Variants in MSI2 observed in about 807,000 individuals in gnomAD.
MSI2 encodes the protein musashi RNA binding protein 2.
Under a neutral mutation model 45.6 loss-of-function variants are expected in MSI2, and 17 were observed. The ratio of observed to expected loss-of-function variants is 0.37; its 90% confidence interval spans 0.26 to 0.56. MSI2 has a LOEUF of 0.56. Ranked by LOEUF, MSI2 falls within the 20% of genes least tolerant of loss-of-function variation. The pLI, the probability that MSI2 is intolerant of heterozygous loss-of-function variation, is 0.77. For synonymous variants in MSI2, 156 were observed against 158.2 expected, an observed-to-expected ratio of 0.99 and a Z score of 0.11; for missense variants, 293 against 444.2, an observed-to-expected ratio of 0.66 and a Z score of 3.06.
At chr17:57,293,775 A>G in intron 5 of MSI2, among the ~76,000 whole-genome samples, 1 of 151,224 alleles carries the variant, frequency 6.6e-6, no homozygotes, top group Non-Finnish European at 1.5e-5. Flanking sequence ...CACCCGGCTA[A>G]TTTTGTATTT....
rs552699363 is a variant in MSI2 at position 57,682,922 on chromosome 17, G to A, written c.*3405G>A. ...GGTCCTAGCTGGGCATGGGGCTGACGGAGATGACCAAGCCTTGGTCTGCTC... is the reference window on the plus strand; with the variant it reads ...GGTCCTAGCTGGGCATGGGGCTGACAGAGATGACCAAGCCTTGGTCTGCTC... On this transcript the variant is annotated 3_prime_UTR_variant, in exon 14 of 14. Transcript: ENST00000284073. 11 of 227,032 alleles carry A rather than the reference G, an allele frequency of 4.8e-5. No individual in the cohort carries two copies. Among genetic ancestry groups the A allele is most frequent in the South Asian group, 1.8e-4 (1 of 5,468 alleles). 14.1% of individuals were successfully genotyped at this position (227,032 alleles called of 1,614,324 possible).
intron 5 of MSI2, among the ~76,000 whole-genome samples, chr17:57,390,108 C>T (rs926612240): frequency 2.0e-5 from 3 of 151,792 alleles, no homozygotes; most frequent in African/African-American, 7.3e-5. Context: ...AAGAAAAAGC[C>T]AGATGTGGTC....
At chr17:57,460,044 G>T (rs1054924599) in intron 6 of MSI2, among the ~76,000 whole-genome samples, 2 of 151,912 alleles carry the variant, frequency 1.3e-5, no homozygotes, top group Non-Finnish European at 2.9e-5. Flanking sequence ...CAGGAGAATT[G>T]CCTGAACCCG....
intron 6 of MSI2, among the ~76,000 whole-genome samples, chr17:57,501,417 G>T (rs549187507): frequency 6.6e-6 from 1 of 152,194 alleles, no homozygotes; most frequent in East Asian, 1.9e-4. Context: ...AGGGGAAGAG[G>T]CTTCATCAGT....
intron 5 of MSI2, among the ~76,000 whole-genome samples, chr17:57,352,410 A>C (rs1056969311): frequency 6.6e-6 from 1 of 152,204 alleles, no homozygotes; most frequent in African/African-American, 2.4e-5. Flanking sequence ...TTATTTTATA[A>C]AGGAAGTAGG....
chr17:57,675,352 G>A (rs989782150), intron 12 of MSI2, among the ~76,000 whole-genome samples: 2 of 152,204 alleles, frequency 1.3e-5, no homozygotes, highest in Admixed American at 6.5e-5. Context: ...GGGCAGGTCC[G>A]GTTCAGATCA....
intron 6 of MSI2, chr17:57,522,783 A>G (rs1228045158): frequency 6.6e-6 from 1 of 151,468 alleles, no homozygotes; most frequent in Non-Finnish European, 1.5e-5. Context: ...TTGGTGCGGC[A>G]CTCCCCACCA....
chr17:57,549,036 T>C (rs1192487898), intron 7 of MSI2, among the ~76,000 whole-genome samples: 2 of 152,054 alleles, frequency 1.3e-5, no homozygotes, highest in Admixed American at 6.6e-5. Flanking sequence ...AAGACAGAAT[T>C]ATTTTATTTG....
intron 5 of MSI2, among the ~76,000 whole-genome samples, chr17:57,333,035 A>C (rs28513575): frequency 2.5e-5 from 3 of 120,958 alleles, no homozygotes; most frequent in African/African-American, 4.5e-5. Context: ...CAAAAAAAAG[A>C]AAAAAAAAAG....
At chr17:57,409,848 A>C (rs1414675754) in intron 6 of MSI2, among the ~76,000 whole-genome samples, 1 of 151,902 alleles carries the variant, frequency 6.6e-6, no homozygotes, top group Non-Finnish European at 1.5e-5. Flanking sequence ...CTCTACTAAA[A>C]ATACAAAAAA....
At chr17:57,482,807 C>T (rs933120963) in intron 6 of MSI2, among the ~76,000 whole-genome samples, 5 of 152,162 alleles carry the variant, frequency 3.3e-5, no homozygotes, top group Non-Finnish European at 5.9e-5. Context: ...CCAGACCCTC[C>T]AGATGCACTG....
intron 5 of MSI2, among the ~76,000 whole-genome samples, chr17:57,362,533 C>T (rs556792924): frequency 2.6e-5 from 4 of 152,218 alleles, no homozygotes; most frequent in East Asian, 1.9e-4. Context: ...TGTAATGATC[C>T]GTCAACTGTT....
At chr17:57,491,236 CCTCTCTG>C (rs1355006053) in intron 6 of MSI2, among the ~76,000 whole-genome samples, 1 of 152,214 alleles carries the variant, frequency 6.6e-6, no homozygotes, top group African/African-American at 2.4e-5. Flanking sequence ...TGGCTAGAGG[CCTCTCTG>C]AGAGCGCAGT....
rs1471995827 is a variant in MSI2, at chr17:57,440,414, G to C, written c.405+38943G>C. ...CAGTCTTACCTGGGGTTTGTTATCC[G>C]TGTGTGTGTGTGTGTGTGTGTGTGT... On this transcript the variant is annotated intron_variant, in intron 6 of 13. Coordinates refer to ENST00000284073, the MANE Select transcript of MSI2 (RefSeq NM_138962.4). Among the ~76,000 whole-genome samples the C allele has an allele frequency of 9.0e-4, 5 of 5,544 alleles. No individual in the cohort carries two copies. In the East Asian group the frequency reaches 0.01, roughly 11 times the overall value. The allele number at this position is 5,544 out of a possible 152,430, so 3.6% of individuals were successfully genotyped here. A position where few individuals can be genotyped will look rare whatever the true frequency, so the allele number is the denominator to read the frequency against.
At chr17:57,515,316 GC>G (rs1453859460) in intron 6 of MSI2, among the ~76,000 whole-genome samples, 5 of 152,160 alleles carry the variant, frequency 3.3e-5, no homozygotes, top group African/African-American at 1.2e-4. Context: ...CAATTCTCCT[GC>G]CTCAACATCC....
intron 6 of MSI2, among the ~76,000 whole-genome samples, chr17:57,525,585 G>A (rs1455344177): frequency 2.0e-5 from 3 of 152,240 alleles, no homozygotes; most frequent in Non-Finnish European, 2.9e-5. Flanking sequence ...CAGCATATCC[G>A]GCCTATTTTG....
rs184857584 is a variant in MSI2, at chr17:57,498,812, C to G, written c.406-30864C>G. On this transcript the variant is annotated intron_variant, in intron 6 of 13. Transcript: ENST00000284073. ...CTTTAAGTTCTAGGGTACACGTGCA[C>G]AATGTGCAGATTTGTTATATATGTA... 4.6e-3 allele frequency among the ~76,000 whole-genome samples: 695 copies of G among 151,984 alleles called. 7 individuals are homozygous for G. The highest frequency in any genetic ancestry group is 0.016 in the African/African-American group (660 of 41,414).
Position 57,680,766 on chromosome 17 carries a change from G to C in MSI2, c.*1249G>C, listed in dbSNP as rs1293620404. The C allele has an allele frequency of 5.2e-6, 1 of 192,202 alleles. No homozygotes were observed. Among genetic ancestry groups the C allele is most frequent in the Admixed American group, 6.2e-5 (1 of 16,084 alleles). The allele number at this position is 192,202 out of a possible 1,614,324, so 11.9% of individuals were successfully genotyped here. A position where few individuals can be genotyped will look rare whatever the true frequency, so the allele number is the denominator to read the frequency against. Reference sequence around the variant, plus strand: ...ACCTGTTTGGCTTGGGTGGGGGTGGGGTGGGGGGGACATTCTTTTTCAGTC... The same window carrying C: ...ACCTGTTTGGCTTGGGTGGGGGTGGCGTGGGGGGGACATTCTTTTTCAGTC... On this transcript the variant is annotated 3_prime_UTR_variant, in exon 14 of 14. Transcript: ENST00000284073.
chr17:57,370,768 C>G lies in MSI2; in HGVS notation c.313-30611C>G, dbSNP rs532094146. Among the ~76,000 whole-genome samples the G allele has an allele frequency of 1.0e-3, 156 of 152,254 alleles. 1 individual carries two copies. The highest frequency in any genetic ancestry group is 3.7e-3 in the African/African-American group (155 of 41,546). On this transcript the variant is annotated intron_variant, in intron 5 of 13. Transcript: ENST00000284073. ...TATGGACCCTTTACCCAGAGACTTG[C>G]GCTACAACACAGCCACATACAGCTT... is the stretch of plus-strand genomic sequence containing the variant.
Sources: gnomAD v4.1 joint callset for allele counts (sites outside exome capture counted in the v4.1 genomes callset) on GRCh38, gnomAD v4.1.1 for gene constraint, MANE v1.5 for transcripts, NCBI Gene and HGNC (gene_info 2026-07-23, HGNC 2026-07-21) for gene names.